Variants in ITCH observed in about 807,000 individuals in gnomAD.
The protein encoded by ITCH is itchy E3 ubiquitin protein ligase.
In ITCH, 28 loss-of-function variants were observed where a neutral mutation model predicts 126.8. The observed-to-expected ratio is 0.22, with a 90% CI of 0.16 to 0.30. The LOEUF (loss-of-function observed/expected upper bound fraction) is 0.30, where lower values mean the gene tolerates loss of function less well. ITCH is among the 10% of genes least tolerant of loss of function. ITCH has a pLI of 1.00. For synonymous variants in ITCH, 342 were observed against 340.0 expected, an observed-to-expected ratio of 1.01 and a Z score of -0.06; for missense variants, 631 against 1,032.4, an observed-to-expected ratio of 0.61 and a Z score of 5.33.
chr20:34,383,618 G>A (rs6059797), intron 2 of ITCH, among the ~76,000 whole-genome samples: 84,422 of 151,284 alleles, frequency 0.56, 24,136 homozygotes, highest in African/African-American at 0.66. Flanking sequence ...TGCCTGCCTC[G>A]GCTTCCCAAA....
At chr20:34,504,503 C>CAGAATA (rs1292499761) in intron 24 of ITCH, 100 bp downstream of exon 24, 1 of 772,054 alleles carries the variant, frequency 1.3e-6, no homozygotes, top group Non-Finnish European at 2.3e-6. Context: ...AGTAGATTTA[C>CAGAATA]AGAATAGCAC....
chr20:34,407,567 C>T (rs180986103), intron 3 of ITCH, among the ~76,000 whole-genome samples: 85 of 152,336 alleles, frequency 5.6e-4, no homozygotes, highest in Admixed American at 1.8e-3. Context: ...CTGCGCCCAG[C>T]TGCAGATTCT....
At chr20:34,376,426 C>T (rs1349956263) in intron 2 of ITCH, among the ~76,000 whole-genome samples, 1 of 151,592 alleles carries the variant, frequency 6.6e-6, no homozygotes, top group Admixed American at 6.6e-5. Flanking sequence ...CTAGTCTGGG[C>T]AACAGAGTGT....
At chr20:34,400,354 A>G (rs1271254127) in intron 3 of ITCH, among the ~76,000 whole-genome samples, 1 of 152,148 alleles carries the variant, frequency 6.6e-6, no homozygotes, top group Non-Finnish European at 1.5e-5. Context: ...GGCCTGAGCC[A>G]CTTTCCCTGA....
chr20:34,507,290 GGTTGTT>G (rs1555887355), intron 24 of ITCH, among the ~76,000 whole-genome samples: 8 of 70,006 alleles, frequency 1.1e-4, no homozygotes, highest in Non-Finnish European at 2.1e-4. Context: ...TTTTTTTTTT[GGTTGTT>G]GTTGTTGTTG....
intron 2 of ITCH, among the ~76,000 whole-genome samples, chr20:34,391,106 C>G (rs892193296): frequency 3.9e-5 from 6 of 152,182 alleles, no homozygotes; most frequent in African/African-American, 1.4e-4. Context: ...AACTAAGAAT[C>G]TGGCGCTCAG....
chr20:34,429,589 A>G (rs1982016261), intron 7 of ITCH, among the ~76,000 whole-genome samples: 1 of 152,176 alleles, frequency 6.6e-6, no homozygotes, highest in African/African-American at 2.4e-5. Context: ...AATTATAACT[A>G]TTCTGGGAAA....
intron 12 of ITCH, chr20:34,454,481 T>A (rs968728852): frequency 2.6e-5 from 4 of 152,106 alleles, no homozygotes; most frequent in Non-Finnish European, 5.9e-5. Flanking sequence ...GATAAGCTTA[T>A]GCACTGAAGA....
chr20:34,388,823 GT>G (rs1355267889), intron 2 of ITCH, among the ~76,000 whole-genome samples: 1 of 152,080 alleles, frequency 6.6e-6, no homozygotes, highest in Non-Finnish European at 1.5e-5. Context: ...TACAAAGAAT[GT>G]TTTTTTGTTC....
At chr20:34,414,455 T>TC (rs1228361533) in intron 6 of ITCH, among the ~76,000 whole-genome samples, 19 of 128,152 alleles carry the variant, frequency 1.5e-4, no homozygotes, top group African/African-American at 5.4e-4. Flanking sequence ...TGACTTTAAA[T>TC]CCTTTTTTTT....
At chr20:34,426,506 C>T (rs1338900146) in intron 7 of ITCH, among the ~76,000 whole-genome samples, 13 of 151,614 alleles carry the variant, frequency 8.6e-5, no homozygotes, top group Non-Finnish European at 5.9e-5. Context: ...AGTGCAGTGG[C>T]GCGATCTCAG....
intron 6 of ITCH, among the ~76,000 whole-genome samples, chr20:34,420,839 A>G (rs1980665610): frequency 6.6e-6 from 1 of 152,176 alleles, no homozygotes; most frequent in Non-Finnish European, 1.5e-5. Flanking sequence ...AAGGGCCTAA[A>G]TTGGGGATTC....
At chr20:34,384,249 CAG>C (rs2038183700) in intron 2 of ITCH, 1 of 29,658 alleles carries the variant, frequency 3.4e-5, no homozygotes, top group African/African-American at 2.4e-4. Flanking sequence ...AATACCAGTG[CAG>C]CAGTTGGACC....
At position 34,457,440 on chromosome 20, in the gene ITCH, C is replaced by T. The variant is rs1381771083; in HGVS notation, c.1261C>T (p.Arg421Ter). 3 of 1,613,178 alleles carry T rather than the reference C, an allele frequency of 1.9e-6. No homozygotes were observed. Among genetic ancestry groups the T allele is most frequent in the African/African-American group, 1.3e-5 (1 of 74,838 alleles). Residue 421 changes from arginine to a stop codon, truncating the protein, a stop_gained, in exon 13 of 25, where the codon CGA (arginine) becomes TGA (stop). Transcript: ENST00000374864. LOFTEE classifies it high-confidence loss of function. Reference protein sequence around the residue: ...GRVYFVNHNTRITQWEDPRSQ... With the variant: ...GRVYFVNHNT ...AGTATATTTCGTCAACCACAACACA[C>T]GAATTACACAATGGGAAGACCCCAG... is the stretch of plus-strand genomic sequence containing the variant.
chr20:34,447,414 A>G (rs981629896), intron 11 of ITCH, among the ~76,000 whole-genome samples: 11 of 152,140 alleles, frequency 7.2e-5, no homozygotes, highest in African/African-American at 2.7e-4. Flanking sequence ...TTGCTGAGAA[A>G]TAGTCTGTTT....
intron 2 of ITCH, 58 bp downstream of exon 2, chr20:34,369,528 T>C (rs551472170): frequency 1.7e-4 from 66 of 396,784 alleles, no homozygotes; most frequent in Non-Finnish European, 2.4e-4. Context: ...GGCCAAGCTC[T>C]GGTCTTATAC....
At chr20:34,501,340 G>A (rs1413039670) in intron 23 of ITCH, among the ~76,000 whole-genome samples, 1 of 152,036 alleles carries the variant, frequency 6.6e-6, no homozygotes, top group African/African-American at 2.4e-5. Context: ...AATTTTTTAG[G>A]TAATTTATAA....
intron 16 of ITCH, among the ~76,000 whole-genome samples, chr20:34,474,793 G>A (rs1247530946): frequency 6.8e-6 from 1 of 146,894 alleles, no homozygotes; most frequent in East Asian, 2.0e-4. Context: ...GGGCGGGGGG[G>A]CTGACCCCCC....
At chr20:34,400,241 AT>A (rs1211985552) in intron 3 of ITCH, among the ~76,000 whole-genome samples, 1 of 151,426 alleles carries the variant, frequency 6.6e-6, no homozygotes, top group Non-Finnish European at 1.5e-5. Context: ...CCGGCCAAAA[AT>A]TTTTTTTTGT....
Sources: allele counts gnomAD v4.1 joint callset (sites outside exome capture counted in the v4.1 genomes callset), GRCh38; gene constraint gnomAD v4.1.1; transcripts MANE v1.5; gene names NCBI Gene and HGNC (gene_info 2026-07-23, HGNC 2026-07-21).